The following NDE1 variants were observed in gnomAD, a reference collection of about 807,000 sequenced individuals.
NDE1 encodes nudE neurodevelopment protein 1, also known as nuclear distribution protein nudE homolog 1.
In NDE1, 28 loss-of-function variants were observed where a neutral mutation model predicts 43.4. The observed-to-expected ratio is 0.65, with a 90% CI of 0.48 to 0.89. The LOEUF (loss-of-function observed/expected upper bound fraction) is 0.89. Ranked by LOEUF, NDE1 falls within the 40% of genes least tolerant of loss-of-function variation. The pLI is 0.00. For missense variants in NDE1, 441 were observed against 434.1 expected (o/e 1.02, Z -0.14); for synonymous variants, 184 against 172.0 (o/e 1.07, Z -0.55).
chr16:15,700,884 T>C (rs1404040166), intron 8 of NDE1, among the ~76,000 whole-genome samples: 1 of 152,164 alleles, frequency 6.6e-6, no homozygotes, highest in East Asian at 1.9e-4. Context: ...CCCAGTGCTT[T>C]GTGGTGTACT....
rs936953788 is a variant in NDE1, at chr16:15,686,846, A to T, written c.387-529A>T. The T allele has an allele frequency of 9.1e-6, 4 of 439,374 alleles. No individual in the cohort carries two copies. In the Admixed American group the frequency reaches 2.6e-4, roughly 28 times the overall value. The allele number at this position is 439,374 out of a possible 1,614,324, so 27.2% of individuals were successfully genotyped here. A position where few individuals can be genotyped will look rare whatever the true frequency, so the allele number is the denominator to read the frequency against. On this transcript the variant is annotated intron_variant, in intron 4 of 8. Transcript: ENST00000396354. ...TCCCAAGTAGCTGGGATTACACTAC[A>T]ACTGGCTAATTTTTGTATTTCTAGT...
rs2151218259 is a variant in NDE1, at chr16:15,724,299, C to T, written c.*48C>T. 1 of 1,614,182 alleles carries T rather than the reference C, an allele frequency of 6.2e-7. No individual in the cohort carries two copies. Among genetic ancestry groups the T allele is most frequent in the South Asian group, 1.1e-5 (1 of 91,088 alleles). ...GTTTATCATAAGCGGCCGCCTTCTC[C>T]TCGTACTGCTGGGTGAGGTTCTCGA... On this transcript the variant is annotated 3_prime_UTR_variant, in exon 9 of 9. Coordinates refer to ENST00000396354, the MANE Select transcript of NDE1 (RefSeq NM_017668.3).
intron 5 of NDE1, among the ~76,000 whole-genome samples, chr16:15,689,666 G>A (rs549819759): frequency 1.3e-5 from 2 of 152,236 alleles, no homozygotes; most frequent in South Asian, 2.1e-4. Flanking sequence ...ACAGCTGGGC[G>A]CAGTGGCTCA....
rs138534309 is a variant in NDE1, at chr16:15,694,202, T to C, written c.741T>C (p.Pro247=). 6.2e-7 allele frequency: 1 copy of C among 1,613,282 alleles called. No individual in the cohort carries two copies. The highest frequency in any genetic ancestry group is 1.1e-5 in the South Asian group (1 of 91,026). ...CCACCGGGGGGACCCCCCTCACACC[T>C]GCGGCCCGGATATCAGCCCTCAACA... ...DDSTGGTPLT[P]AARISALNIV... is the part of the protein sequence containing the mutation. The change falls in exon 7 of 9, where the codon CCT becomes CCC. Residue 247 remains proline, a synonymous_variant. Coordinates refer to ENST00000396354, the MANE Select transcript of NDE1 (RefSeq NM_017668.3).
chr16:15,685,769 G>T (rs1007038243), intron 4 of NDE1, among the ~76,000 whole-genome samples: 2 of 152,154 alleles, frequency 1.3e-5, no homozygotes, highest in Non-Finnish European at 2.9e-5. Context: ...GTGAGTTCTA[G>T]GTGGAGGAGG....
chr16:15,707,976 AAAAGC>A (rs2039555043), intron 8 of NDE1, among the ~76,000 whole-genome samples: 1 of 150,600 alleles, frequency 6.6e-6, no homozygotes, highest in South Asian at 2.1e-4. Context: ...AAAAAAAAAA[AAAAGC>A]AAAATCCCAG....
intron 7 of NDE1, 177 bp downstream of exon 7, chr16:15,694,433 A>T (rs1352609035): frequency 4.1e-6 from 6 of 1,460,452 alleles, no homozygotes; most frequent in Non-Finnish European, 5.5e-6. Context: ...GCAGCCTCAA[A>T]ATCCTGGGTT....
intron 8 of NDE1, chr16:15,721,105 T>C (rs570743425): frequency 6.5e-5 from 104 of 1,590,828 alleles, no homozygotes; most frequent in Non-Finnish European, 8.1e-5. Flanking sequence ...ATGAAGACGA[T>C]TGAGAAACCC....
At chr16:15,716,525 T>G (rs2040155515) in intron 8 of NDE1, among the ~76,000 whole-genome samples, 1 of 148,388 alleles carries the variant, frequency 6.7e-6, no homozygotes, top group Admixed American at 6.7e-5. Context: ...GTTTTTTTTG[T>G]GTGTGTGTAT....
At chr16:15,648,198 C>T (rs574598759), upstream of NDE1, among the ~76,000 whole-genome samples, 3 of 152,092 alleles carry the variant, frequency 2.0e-5, no homozygotes, top group South Asian at 6.2e-4. Context: ...AGCATTTATC[C>T]TTTCTTTGTG....
At chr16:15,671,795 A>G (rs570183258) in intron 3 of NDE1, among the ~76,000 whole-genome samples, 11 of 152,030 alleles carry the variant, frequency 7.2e-5, no homozygotes, top group Non-Finnish European at 1.5e-4. Flanking sequence ...GGCTTAAGTG[A>G]TCCTCCCACC....
upstream of NDE1, among the ~76,000 whole-genome samples, chr16:15,645,309 T>C (rs1212522420): frequency 6.6e-6 from 1 of 152,180 alleles, no homozygotes; most frequent in Non-Finnish European, 1.5e-5. Flanking sequence ...AGTCCAAAGC[T>C]GTAACTAGTC....
At chr16:15,716,353 C>T (rs138976927) in intron 8 of NDE1, among the ~76,000 whole-genome samples, 181 of 152,138 alleles carry the variant, frequency 1.2e-3, no homozygotes, top group African/African-American at 4.0e-3. Flanking sequence ...CATTGCAGGG[C>T]GTGCGAATTA....
In NDE1 at chr16:15,724,844, A is replaced by C; in HGVS notation, c.*593A>C. Reference sequence around the variant, plus strand: ...AGGTCCCAGGGACCTGCCCCGAGGAAGGCCACCCCCCAGGTCCCCTGGATG... The same window carrying C: ...AGGTCCCAGGGACCTGCCCCGAGGACGGCCACCCCCCAGGTCCCCTGGATG... On this transcript the variant is annotated 3_prime_UTR_variant, in exon 9 of 9. Transcript: ENST00000396354. The C allele has an allele frequency of 1.2e-6, 2 of 1,613,760 alleles. No homozygotes were observed. Among genetic ancestry groups the C allele is most frequent in the Middle Eastern group, 1.6e-4 (1 of 6,062 alleles).
chr16:15,718,462 G>A (rs375779637), intron 8 of NDE1: 12 of 1,542,956 alleles, frequency 7.8e-6, no homozygotes, highest in Non-Finnish European at 9.6e-6. Context: ...GGCCATGGTG[G>A]GGGCCTCTAC....
chr16:15,662,922 C>T (rs1033080380), intron 1 of NDE1, among the ~76,000 whole-genome samples: 2 of 152,120 alleles, frequency 1.3e-5, no homozygotes, highest in African/African-American at 4.8e-5. Context: ...AGCTCCCCAT[C>T]TTAGGCCTTG....
At chr16:15,715,386 C>T (rs1013184402) in intron 8 of NDE1, 13 of 908,592 alleles carry the variant, frequency 1.4e-5, no homozygotes, top group African/African-American at 3.3e-5. Flanking sequence ...ATCTGGACTC[C>T]TCTCAAGAAT....
intron 3 of NDE1, among the ~76,000 whole-genome samples, chr16:15,676,947 A>T (rs986401369): frequency 6.6e-6 from 1 of 152,058 alleles, no homozygotes; most frequent in African/African-American, 2.4e-5. Flanking sequence ...TGAGGCTTGG[A>T]GAGGTTTACG....
intron 8 of NDE1, 92 bp from the exon 9 acceptor site, chr16:15,724,099 G>T: frequency 6.2e-7 from 1 of 1,607,964 alleles, no homozygotes; most frequent in Non-Finnish European, 8.5e-7. Context: ...GTCATACTCT[G>T]CAGAGCTGAT....
Sources: allele counts gnomAD v4.1 joint callset (sites outside exome capture counted in the v4.1 genomes callset), GRCh38; gene constraint gnomAD v4.1.1; transcripts MANE v1.5; gene names NCBI Gene and HGNC (gene_info 2026-07-23, HGNC 2026-07-21).